The following LRRC56 variants were observed in gnomAD, a reference collection of about 807,000 sequenced individuals.
The protein encoded by LRRC56 is leucine-rich repeat-containing protein 56.
Under a neutral mutation model 47.8 loss-of-function variants are expected in LRRC56, and 41 were observed. That is an observed-to-expected ratio of 0.86 (90% confidence interval 0.67 to 1.11). The LOEUF (loss-of-function observed/expected upper bound fraction) is 1.11. Ranked by LOEUF, LRRC56 falls within the 50% of genes most tolerant of loss-of-function variation. The probability of loss-of-function intolerance (pLI) is 0.00; values close to 1 mark genes in which losing one functional copy is unlikely to be tolerated. For missense variants in LRRC56, 759 were observed against 704.2 expected, an observed-to-expected ratio of 1.08 and a Z score of -0.88; for synonymous variants, 387 against 311.2, an observed-to-expected ratio of 1.24 and a Z score of -2.56.
At chr11:509,687 ACAGG>A in the LRRC56 span, among the ~76,000 whole-genome samples, 8 of 149,808 alleles carry the variant, frequency 5.3e-5, no homozygotes, top group African/African-American at 2.0e-4. Flanking sequence ...AGCTGGGACT[ACAGG>A]CACCTGCCAC....
At chr11:528,750 C>T in the LRRC56 span, 6 of 152,222 alleles carry the variant, frequency 3.9e-5, no homozygotes, top group African/African-American at 1.2e-4. Context: ...CACACGCACA[C>T]GTTCACCCAC....
chr11:524,460 C>T, the LRRC56 span, among the ~76,000 whole-genome samples: 18 of 151,492 alleles, frequency 1.2e-4, no homozygotes, highest in Middle Eastern at 3.2e-3. Context: ...CGAGAAACCC[C>T]GTCTCTACTA....
upstream of LRRC56, chr11:533,636 G>C (rs747207297): frequency 6.2e-7 from 1 of 1,613,516 alleles, no homozygotes; most frequent in South Asian, 1.1e-5. Context: ...AGCGAGAGCT[G>C]GCTACGGGGG....
At chr11:542,684 G>A (rs936216298) in intron 5 of LRRC56, among the ~76,000 whole-genome samples, 7 of 151,050 alleles carry the variant, frequency 4.6e-5, no homozygotes, top group African/African-American at 9.8e-5. Flanking sequence ...CCTCCCGTGC[G>A]TGCACAGCGC....
chr11:514,290 A>G, the LRRC56 span, among the ~76,000 whole-genome samples: 3 of 149,310 alleles, frequency 2.0e-5, no homozygotes, highest in African/African-American at 7.4e-5. Context: ...CACCACCCCC[A>G]GCCATTTTTT....
At chr11:534,851 G>A (rs539457170), upstream of LRRC56, among the ~76,000 whole-genome samples, 8 of 152,334 alleles carry the variant, frequency 5.3e-5, no homozygotes, top group Non-Finnish European at 1.0e-4. Context: ...GCGCCGCCGA[G>A]GGGAGGGCAG....
intron 6 of LRRC56, among the ~76,000 whole-genome samples, chr11:546,526 C>A (rs1852091470): frequency 6.6e-6 from 1 of 151,566 alleles, no homozygotes; most frequent in Non-Finnish European, 1.5e-5. Context: ...CAAGATCGCA[C>A]CACTAAACTC....
chr11:525,129 C>T, the LRRC56 span, among the ~76,000 whole-genome samples: 8 of 150,090 alleles, frequency 5.3e-5, no homozygotes, highest in East Asian at 7.9e-4. Flanking sequence ...TGGGGCCGGG[C>T]GCGGTGGGTC....
chr11:517,416 C>T, the LRRC56 span, among the ~76,000 whole-genome samples: 1 of 151,828 alleles, frequency 6.6e-6, no homozygotes, highest in African/African-American at 2.4e-5. Context: ...TGCCTGGCTG[C>T]CCCGTCTGGG....
At chr11:519,324 A>G in the LRRC56 span, among the ~76,000 whole-genome samples, 2 of 108,004 alleles carry the variant, frequency 1.9e-5, no homozygotes, top group African/African-American at 3.6e-5. Flanking sequence ...TACACAGGTG[A>G]GCTTTATTAG....
upstream of LRRC56, among the ~76,000 whole-genome samples, chr11:532,979 C>A (rs114143453): frequency 6.6e-6 from 1 of 152,212 alleles, no homozygotes; most frequent in African/African-American, 2.4e-5. Context: ...CAGGGTGGCC[C>A]GGGGCCCTCC....
upstream of LRRC56, chr11:533,141 G>T: frequency 1.2e-6 from 1 of 801,726 alleles, no homozygotes; most frequent in Non-Finnish European, 1.9e-6. Context: ...CAGGGTCACC[G>T]CTCCGGCCTG....
In LRRC56 at chr11:554,390, C is replaced by A; in HGVS notation, c.*114C>A. On this transcript the variant is annotated 3_prime_UTR_variant, in exon 14 of 14. Transcript: ENST00000270115. Reference sequence around the variant, plus strand: ...GTTGGGGGGTGGAAGGAGTGCCTGGCCCTGGGGAGGACCCTCTTGGTGGAG... The same window carrying A: ...GTTGGGGGGTGGAAGGAGTGCCTGGACCTGGGGAGGACCCTCTTGGTGGAG... The A allele has an allele frequency of 1.1e-6, 1 of 943,770 alleles. No individual in the cohort carries two copies. The highest frequency in any genetic ancestry group is 1.4e-6 in the Non-Finnish European group (1 of 690,880). The allele number at this position is 943,770 out of a possible 1,614,324, so 58.5% of individuals were successfully genotyped here. A position where few individuals can be genotyped will look rare whatever the true frequency, so the allele number is the denominator to read the frequency against.
Position 554,531 on chromosome 11 carries a change from C to G in LRRC56, c.*255C>G. The G allele has an allele frequency of 2.4e-6, 1 of 423,790 alleles. No homozygotes were observed. Among genetic ancestry groups the G allele is most frequent in the Non-Finnish European group, 4.2e-6 (1 of 240,730 alleles). 26.3% of individuals were successfully genotyped at this position (423,790 alleles called of 1,614,324 possible). A position where few individuals can be genotyped will look rare whatever the true frequency, so the allele number is the denominator to read the frequency against. ...CCGGCTCCCCAGCCCTTCCTTAGGGCCAGGCTTTCCCGCGGGCACGGGGGT... is the reference window on the plus strand; with the variant it reads ...CCGGCTCCCCAGCCCTTCCTTAGGGGCAGGCTTTCCCGCGGGCACGGGGGT... On this transcript the variant is annotated 3_prime_UTR_variant, in exon 14 of 14. Coordinates refer to ENST00000270115, the MANE Select transcript of LRRC56 (RefSeq NM_198075.4).
chr11:551,543 A>G, intron 9 of LRRC56, 108 bp from the exon 10 acceptor site: 1 of 1,212,800 alleles, frequency 8.2e-7, no homozygotes, highest in East Asian at 2.4e-5. Flanking sequence ...GTGAGAGGCC[A>G]GCCTCAGGCC....
chr11:510,246 C>A, the LRRC56 span, among the ~76,000 whole-genome samples: 1 of 152,158 alleles, frequency 6.6e-6, no homozygotes, highest in African/African-American at 2.4e-5. Context: ...CTAAGTCAGA[C>A]CCCGGGGAGA....
the LRRC56 span, chr11:528,798 G>A: frequency 6.5e-6 from 1 of 153,550 alleles, no homozygotes; most frequent in Non-Finnish European, 1.5e-5. Flanking sequence ...TCAGGGGGTG[G>A]AGGACGCTGA....
At chr11:533,915 A>G (rs765092617), upstream of LRRC56, 13 of 1,612,714 alleles carry the variant, frequency 8.1e-6, no homozygotes, top group Non-Finnish European at 1.1e-5. Context: ...ACGTCTCCCC[A>G]TCAATGACCA....
In LRRC56 at chr11:540,810, G is replaced by A. The variant is rs752278602; in HGVS notation, c.126G>A (p.Arg42=). ...CPQSKGPGSQ[R]DRLGEQLVEE... ...AGAGCAAGGGCCCTGGCAGTCAGAGGGACAGACTTGGAGAGCAGCTGGTGG... is the reference window on the plus strand; with the variant it reads ...AGAGCAAGGGCCCTGGCAGTCAGAGAGACAGACTTGGAGAGCAGCTGGTGG... The change falls in exon 4 of 14, where the codon AGG becomes AGA. Residue 42 remains arginine, a synonymous_variant. Coordinates refer to ENST00000270115, the MANE Select transcript of LRRC56 (RefSeq NM_198075.4). 7 of 1,598,382 alleles carry A rather than the reference G, an allele frequency of 4.4e-6. No individual in the cohort carries two copies. The highest frequency in any genetic ancestry group is 1.7e-5 in the Admixed American group (1 of 57,220).
Sources: gnomAD v4.1 joint callset for allele counts (sites outside exome capture counted in the v4.1 genomes callset) on GRCh38, gnomAD v4.1.1 for gene constraint, MANE v1.5 for transcripts, NCBI Gene and HGNC (gene_info 2026-07-23, HGNC 2026-07-21) for gene names.